Variants in WSCD1 observed in about 807,000 individuals in gnomAD.
WSCD1 encodes WSC domain sialate O sulfotransferase 1.
A neutral mutation model predicts 60.4 loss-of-function variants in WSCD1; 41 were observed. That is an observed-to-expected ratio of 0.68 (90% CI 0.53 to 0.88). The LOEUF (loss-of-function observed/expected upper bound fraction) is 0.88, where lower values mean the gene tolerates loss of function less well. Among genes scored for constraint, WSCD1 ranks in the 40% least tolerant of loss-of-function variants. The pLI is 0.00. For missense variants in WSCD1, 784 were observed against 796.2 expected (o/e 0.98, Z 0.18); for synonymous variants, 361 against 332.5 (o/e 1.09, Z -0.93).
chr17:6,116,910 T>G (rs1904329740), intron 7 of WSCD1, among the ~76,000 whole-genome samples: 1 of 152,160 alleles, frequency 6.6e-6, no homozygotes, highest in South Asian at 2.1e-4. Flanking sequence ...TGGGCTACAT[T>G]GGGTGTGGCC....
intron 2 of WSCD1, among the ~76,000 whole-genome samples, chr17:6,085,735 T>C (rs1909595068): frequency 6.6e-6 from 1 of 152,248 alleles, no homozygotes; most frequent in Non-Finnish European, 1.5e-5. Context: ...TTTGGCTGTT[T>C]AATTGAAAGC....
intron 5 of WSCD1, among the ~76,000 whole-genome samples, chr17:6,096,107 G>T (rs1001555015): frequency 1.3e-5 from 2 of 152,180 alleles, no homozygotes; most frequent in African/African-American, 4.8e-5. Context: ...GCCAGGTACT[G>T]TTCCAAGCGC....
chr17:6,097,863 G>A (rs952994037), intron 5 of WSCD1, among the ~76,000 whole-genome samples: 5 of 152,120 alleles, frequency 3.3e-5, no homozygotes, highest in African/African-American at 1.2e-4. Flanking sequence ...TGTGTGTGTT[G>A]GGGGGCTCAA....
chr17:6,110,903 G>C lies in WSCD1; in HGVS notation c.1142G>C (p.Ser381Thr). 6.2e-7 allele frequency: 1 copy of C among 1,611,154 alleles called. No individual in the cohort carries two copies. Among genetic ancestry groups the C allele is most frequent in the Non-Finnish European group, 8.5e-7 (1 of 1,177,650 alleles). ...IEHATGFYTG[S>T]YYFDGTLYNK... ...CATGCCACTGGCTTCTATACAGGGA[G>C]CTACTACTTTGATGGAACCCTCTAC... The change falls in exon 7 of 9, where the codon AGC becomes ACC. Residue 381 changes from serine to threonine, a missense_variant. Ser to Thr is a moderately conservative substitution (Grantham distance 58). Coordinates refer to ENST00000317744, the MANE Select transcript of WSCD1 (RefSeq NM_015253.2). This position sits in a 1 kb window ranked among gnomAD's most constrained non-coding sequence, Gnocchi z 4.8.
At chr17:6,074,609 G>A (rs1312499043) in intron 1 of WSCD1, among the ~76,000 whole-genome samples, 1 of 152,262 alleles carries the variant, frequency 6.6e-6, no homozygotes, top group Non-Finnish European at 1.5e-5. Flanking sequence ...TAGCACTGAG[G>A]AGTGGTTCTG....
At chr17:6,087,697 T>C (rs1322168924) in intron 2 of WSCD1, among the ~76,000 whole-genome samples, 1 of 151,830 alleles carries the variant, frequency 6.6e-6, no homozygotes, top group Non-Finnish European at 1.5e-5. Context: ...AACTTCTGAG[T>C]TGGGGTAGTG....
At chr17:6,107,046 A>T (rs1180593563) in intron 5 of WSCD1, among the ~76,000 whole-genome samples, 3 of 152,196 alleles carry the variant, frequency 2.0e-5, no homozygotes, top group South Asian at 4.1e-4. Context: ...AAAGTCTGAG[A>T]TCAAGGTCTC....
In WSCD1 at chr17:6,072,394, C is replaced by G. The variant is rs539879731; in HGVS notation, c.-289+1742C>G. Among the ~76,000 whole-genome samples the G allele has an allele frequency of 2.6e-5, 4 of 152,306 alleles. No homozygotes were observed. In the East Asian group the frequency reaches 7.7e-4, roughly 29 times the overall value. On this transcript the variant is annotated intron_variant, in intron 1 of 8. Transcript: ENST00000317744. ...ATCAGCCTGAGCAGGCGACTCAGAG[C>G]CTCTGAATCCAGAGCCTCCAGGCCC...
rs899438499 is a variant in WSCD1, at chr17:6,101,067, G to A, written c.849+5844G>A. ...TTCCCTCCTGAATGTTGAGGGTGGC[G>A]AGAGAGGTGAATCTGGGGATGTCTG... is the stretch of plus-strand genomic sequence containing the variant. On this transcript the variant is annotated intron_variant, in intron 5 of 8. Coordinates refer to ENST00000317744, the MANE Select transcript of WSCD1 (RefSeq NM_015253.2). This position sits in a 1 kb window ranked among gnomAD's most constrained non-coding sequence, Gnocchi z 4.1. 3.3e-5 allele frequency among the ~76,000 whole-genome samples: 5 copies of A among 152,162 alleles called. No homozygotes were observed. The highest frequency in any genetic ancestry group is 1.2e-4 in the African/African-American group (5 of 41,422).
At chr17:6,084,363 G>C (rs1045248075) in intron 2 of WSCD1, among the ~76,000 whole-genome samples, 27 of 152,216 alleles carry the variant, frequency 1.8e-4, no homozygotes, top group African/African-American at 6.3e-4. Context: ...CCTTCCTGTC[G>C]TGGGGCTCCA....
At chr17:6,115,421 T>C (rs1455033365) in intron 7 of WSCD1, among the ~76,000 whole-genome samples, 1 of 152,218 alleles carries the variant, frequency 6.6e-6, no homozygotes, top group African/African-American at 2.4e-5. Context: ...ATCTTTCCCT[T>C]GTAGAAATAA....
chr17:6,093,522 C>T (rs1910190948), intron 4 of WSCD1, among the ~76,000 whole-genome samples: 1 of 152,206 alleles, frequency 6.6e-6, no homozygotes. Context: ...ATGACTCTCC[C>T]CATTGTCTGT....
upstream of WSCD1, among the ~76,000 whole-genome samples, chr17:6,069,598 C>G (rs1002250838): frequency 6.6e-6 from 1 of 151,946 alleles, no homozygotes; most frequent in Non-Finnish European, 1.5e-5. Context: ...CGGCGGCCGA[C>G]CCCCGAGTGT....
Position 6,117,969 on chromosome 17 carries a change from C to T in WSCD1, c.1175-19C>T. 6.2e-7 allele frequency: 1 copy of T among 1,612,516 alleles called. No homozygotes were observed. The highest frequency in any genetic ancestry group is 1.3e-5 in the African/African-American group (1 of 75,010). ...ATGGACACCATCTTCCACAGAGACC[C>T]TCTCATTTTTCCCTGCAGGGTTCAA... On this transcript the variant is annotated intron_variant, in intron 7 of 8. Transcript: ENST00000317744.
At chr17:6,096,039 T>A (rs1468711135) in intron 5 of WSCD1, among the ~76,000 whole-genome samples, 1 of 152,182 alleles carries the variant, frequency 6.6e-6, no homozygotes, top group Non-Finnish European at 1.5e-5. Flanking sequence ...TTGGCCAGGA[T>A]GATGATGACG....
rs1353930388 is a variant in WSCD1, at chr17:6,101,958, A to G, written c.849+6735A>G. 6.6e-6 allele frequency among the ~76,000 whole-genome samples: 1 copy of G among 152,070 alleles called. No individual in the cohort carries two copies. The highest frequency in any genetic ancestry group is 1.5e-5 in the Non-Finnish European group (1 of 68,008). On this transcript the variant is annotated intron_variant, in intron 5 of 8. Coordinates refer to ENST00000317744, the MANE Select transcript of WSCD1 (RefSeq NM_015253.2). The surrounding 1 kb of genome is among the most constrained non-coding windows in gnomAD (Gnocchi z 4.1). ...TGCAAATAGGTTACTAATGTGAGAC[A>G]CTCCACCGGCGATTATACCTTGTGA...
intron 8 of WSCD1, 90 bp from the exon 9 acceptor site, chr17:6,120,219 C>T: frequency 7.2e-7 from 1 of 1,381,586 alleles, no homozygotes; most frequent in African/African-American, 1.4e-5. Flanking sequence ...GAAAACCCTG[C>T]CCACTTCCCT....
intron 4 of WSCD1, among the ~76,000 whole-genome samples, chr17:6,093,837 G>A (rs1268759505): frequency 6.6e-6 from 1 of 152,208 alleles, no homozygotes; most frequent in Non-Finnish European, 1.5e-5. Flanking sequence ...CACTGGCAGT[G>A]CAAGGACTTG....
chr17:6,070,128 T>G (rs1344390740), upstream of WSCD1, among the ~76,000 whole-genome samples: 1 of 145,662 alleles, frequency 6.9e-6, no homozygotes, highest in Admixed American at 6.8e-5. Context: ...GGGGCCCCGG[T>G]GAAAGGCTGT....
Sources: gnomAD v4.1 joint callset for allele counts (sites outside exome capture counted in the v4.1 genomes callset) on GRCh38, gnomAD v4.1.1 for gene constraint, Gnocchi (gnomAD v3.1) non-coding constraint, MANE v1.5 for transcripts, NCBI Gene and HGNC (gene_info 2026-07-23, HGNC 2026-07-21) for gene names.